RERG: variants seen among roughly 807,000 people sequenced by gnomAD.
RERG encodes RAS like estrogen regulated growth inhibitor.
RERG carries 25 observed loss-of-function variants against 23.2 expected under a neutral mutation model. That is an observed-to-expected ratio of 1.08 (90% CI 0.79 to 1.50). The LOEUF (loss-of-function observed/expected upper bound fraction) is 1.50, where lower values mean the gene tolerates loss of function less well. Ranked by LOEUF, RERG falls within the 40% of genes most tolerant of loss-of-function variation. The pLI, the probability that RERG is intolerant of heterozygous loss-of-function variation, is 0.00. For missense variants in RERG, 253 were observed against 250.1 expected (o/e 1.01, Z -0.08); for synonymous variants, 81 against 89.1 (o/e 0.91, Z 0.51).
intron 2 of RERG, among the ~76,000 whole-genome samples, chr12:15,169,611 C>A (rs1388857024): frequency 6.6e-6 from 1 of 152,184 alleles, no homozygotes; most frequent in Non-Finnish European, 1.5e-5. Context: ...TGTGGAACCA[C>A]ACAGCCTCTG....
chr12:15,201,927 T>C (rs1468460720), intron 2 of RERG, among the ~76,000 whole-genome samples: 1 of 151,676 alleles, frequency 6.6e-6, no homozygotes, highest in Non-Finnish European at 1.5e-5. Context: ...TCCAAACACA[T>C]GGTCCTGCCA....
chr12:15,186,156 GAATA>G (rs1864986926), intron 2 of RERG, among the ~76,000 whole-genome samples: 1 of 151,718 alleles, frequency 6.6e-6, no homozygotes. Flanking sequence ...AATCTTAGAG[GAATA>G]GATAAGCTTT....
At chr12:15,172,017 A>G (rs1864784605) in intron 2 of RERG, among the ~76,000 whole-genome samples, 1 of 152,202 alleles carries the variant, frequency 6.6e-6, no homozygotes, top group Admixed American at 6.5e-5. Flanking sequence ...CAGCCATTTA[A>G]GTGTACAATT....
At chr12:15,206,307 T>A (rs7303854) in intron 2 of RERG, among the ~76,000 whole-genome samples, 52,864 of 151,998 alleles carry the variant, frequency 0.35, 9,536 homozygotes, top group African/African-American at 0.45. Context: ...TTACTCACTT[T>A]GTCTCTTCTC....
chr12:15,120,936 G>T, intron 3 of RERG, 127 bp downstream of exon 3: 1 of 732,474 alleles, frequency 1.4e-6, no homozygotes. Flanking sequence ...GGGCTTCTTT[G>T]CATGATTTGA....
chr12:15,180,089 A>G (rs1864903928), intron 2 of RERG, among the ~76,000 whole-genome samples: 1 of 152,252 alleles, frequency 6.6e-6, no homozygotes, highest in Non-Finnish European at 1.5e-5. Flanking sequence ...ATGGAACAAG[A>G]GCATTCCTAG....
At chr12:15,175,252 C>T (rs112651684) in intron 2 of RERG, among the ~76,000 whole-genome samples, 10 of 148,764 alleles carry the variant, frequency 6.7e-5, no homozygotes, top group African/African-American at 2.5e-4. Flanking sequence ...TGTTCAGTTA[C>T]GTTGTTAATC....
intron 2 of RERG, among the ~76,000 whole-genome samples, chr12:15,121,577 G>C (rs1486977596): frequency 6.6e-6 from 1 of 152,174 alleles, no homozygotes; most frequent in Non-Finnish European, 1.5e-5. Flanking sequence ...TTTTAAAAAA[G>C]TAGATATTCA....
At chr12:15,153,247 G>T (rs1235696253) in intron 2 of RERG, among the ~76,000 whole-genome samples, 4 of 152,182 alleles carry the variant, frequency 2.6e-5, no homozygotes, top group African/African-American at 9.7e-5. Flanking sequence ...GGGGAGTTGT[G>T]ATGGGTGCTT....
At chr12:15,143,520 A>C (rs1306230755) in intron 2 of RERG, among the ~76,000 whole-genome samples, 1 of 152,154 alleles carries the variant, frequency 6.6e-6, no homozygotes, top group Non-Finnish European at 1.5e-5. Flanking sequence ...AATATTAACT[A>C]ATACCTACTA....
At chr12:15,221,012 A>G (rs1258942363) in intron 1 of RERG, among the ~76,000 whole-genome samples, 183 bp downstream of exon 1, 1 of 152,188 alleles carries the variant, frequency 6.6e-6, no homozygotes, top group Admixed American at 6.5e-5. Context: ...CTCAGCTAGG[A>G]GAGCCCTGTC....
chr12:15,129,066 C>A (rs1184301441), intron 2 of RERG, among the ~76,000 whole-genome samples: 1 of 152,114 alleles, frequency 6.6e-6, no homozygotes, highest in Non-Finnish European at 1.5e-5. Context: ...GTATGAGATC[C>A]CAGGACCGAG....
chr12:15,131,192 A>G (rs1263492926), intron 2 of RERG, among the ~76,000 whole-genome samples: 1 of 152,194 alleles, frequency 6.6e-6, no homozygotes, highest in Non-Finnish European at 1.5e-5. Context: ...TAAATTTGGA[A>G]TATGGTAATC....
chr12:15,132,894 C>T (rs895741912), intron 2 of RERG, among the ~76,000 whole-genome samples: 6 of 151,718 alleles, frequency 4.0e-5, no homozygotes, highest in African/African-American at 7.3e-5. Flanking sequence ...ATAAATGAGA[C>T]GTGATTTTTT....
chr12:15,210,411 T>C (rs1324087031), intron 2 of RERG, among the ~76,000 whole-genome samples: 1 of 152,230 alleles, frequency 6.6e-6, no homozygotes, highest in Non-Finnish European at 1.5e-5. Flanking sequence ...TATGTCCTTT[T>C]GGCTTTGAGA....
At chr12:15,183,196 T>C (rs1427888350) in intron 2 of RERG, among the ~76,000 whole-genome samples, 1 of 152,168 alleles carries the variant, frequency 6.6e-6, no homozygotes, top group Non-Finnish European at 1.5e-5. Flanking sequence ...GATAAATCTT[T>C]GAAATGTAAT....
chr12:15,126,729 T>TTTTC (rs1863951721), intron 2 of RERG, among the ~76,000 whole-genome samples: 1 of 146,586 alleles, frequency 6.8e-6, no homozygotes, highest in Non-Finnish European at 1.5e-5. Context: ...TCTTTCTTTT[T>TTTTC]TTTTTTTTTT....
At chr12:15,164,023 G>A (rs1352823430) in intron 2 of RERG, among the ~76,000 whole-genome samples, 1 of 152,186 alleles carries the variant, frequency 6.6e-6, no homozygotes, top group African/African-American at 2.4e-5. Flanking sequence ...CAGAAATGAA[G>A]AGGAGAAGAG....
chr12:15,208,616 A>G (rs1226086762), intron 2 of RERG, among the ~76,000 whole-genome samples: 3 of 152,168 alleles, frequency 2.0e-5, no homozygotes, highest in Non-Finnish European at 4.4e-5. Context: ...TACGATATGC[A>G]GGGATACCAG....
Sources: gnomAD v4.1 joint callset for allele counts (sites outside exome capture counted in the v4.1 genomes callset) on GRCh38, gnomAD v4.1.1 for gene constraint, MANE v1.5 for transcripts, NCBI Gene and HGNC (gene_info 2026-07-23, HGNC 2026-07-21) for gene names.